SLIT3: variants seen among roughly 807,000 people sequenced by gnomAD.
SLIT3 encodes slit guidance ligand 3, also known as slit homolog 3 protein.
SLIT3 carries 68 observed loss-of-function variants against 184.0 expected under a neutral mutation model. That is an observed-to-expected ratio of 0.37 (90% CI 0.30 to 0.45). The LOEUF is 0.45. Among genes scored for constraint, SLIT3 ranks in the 20% least tolerant of loss-of-function variants. The pLI is 1.00. For synonymous variants in SLIT3, 831 were observed against 828.6 expected (o/e 1.00, Z -0.05); for missense variants, 1,707 against 2,026.0 (o/e 0.84, Z 3.02).
intron 1 of SLIT3, among the ~76,000 whole-genome samples, chr5:169,255,612 A>C (rs1225780165): frequency 2.6e-5 from 4 of 152,238 alleles, no homozygotes; most frequent in African/African-American, 9.6e-5. Flanking sequence ...GGCAGGGCGC[A>C]GTGGCTCAAG....
chr5:168,774,502 G>GC (rs746301095), intron 12 of SLIT3, 124 bp from the exon 13 acceptor site: 62 of 1,035,216 alleles, frequency 6.0e-5, no homozygotes, highest in Non-Finnish European at 8.5e-5. Flanking sequence ...TTGAGCTCCT[G>GC]CTGCAGAACA....
chr5:168,769,701 G>A (rs1027543096), intron 14 of SLIT3, among the ~76,000 whole-genome samples: 4 of 152,100 alleles, frequency 2.6e-5, no homozygotes, highest in Non-Finnish European at 5.9e-5. Context: ...CATCCTGTTC[G>A]TGCAAACCGC....
chr5:169,116,858 G>A lies in SLIT3; in HGVS notation c.413+76621C>T, dbSNP rs528023529. On this transcript the variant is annotated intron_variant, in intron 4 of 35. Coordinates refer to ENST00000519560, the MANE Select transcript of SLIT3 (RefSeq NM_003062.4). Reference sequence around the variant, plus strand: ...CAATCATGTCCTACTTGTTTATAGGGAATCTAATAAAAAGCAAGGAAGCAA... The same window carrying A: ...CAATCATGTCCTACTTGTTTATAGGAAATCTAATAAAAAGCAAGGAAGCAA... Among the ~76,000 whole-genome samples, 4 of 152,280 alleles carry A rather than the reference G, an allele frequency of 2.6e-5. No homozygotes were observed. In the East Asian group the frequency reaches 7.7e-4, roughly 29 times the overall value.
rs748570235 is a variant in SLIT3 at position 168,671,150 on chromosome 5, G to A, written c.4127+48C>T. 1.5e-5 allele frequency: 24 copies of A among 1,577,816 alleles called. No individual in the cohort carries two copies. In the South Asian group the frequency reaches 2.5e-4, roughly 17 times the overall value. On this transcript the variant is annotated intron_variant, in intron 34 of 35. Transcript: ENST00000519560. Reference sequence around the variant, plus strand: ...TTTCTCAGGTGGGGTAGGGACTGAGGCCATTCTGGGAGCTCGAGCACACAG... The same window carrying A: ...TTTCTCAGGTGGGGTAGGGACTGAGACCATTCTGGGAGCTCGAGCACACAG...
chr5:168,784,428 G>T (rs1293228971), intron 12 of SLIT3, among the ~76,000 whole-genome samples: 1 of 152,170 alleles, frequency 6.6e-6, no homozygotes, highest in African/African-American at 2.4e-5. Context: ...AGAGATGGGG[G>T]AGATGCAGAG....
chr5:168,922,373 C>T (rs545739919), intron 4 of SLIT3, among the ~76,000 whole-genome samples: 7 of 145,900 alleles, frequency 4.8e-5, no homozygotes, highest in South Asian at 4.4e-4. Flanking sequence ...AGGAGAATGG[C>T]GTTAACCCAG....
At chr5:168,851,547 G>T (rs975093249) in intron 5 of SLIT3, among the ~76,000 whole-genome samples, 2 of 152,130 alleles carry the variant, frequency 1.3e-5, no homozygotes, top group Admixed American at 6.5e-5. Context: ...AAGGAAGTTT[G>T]GTTACTGTTT....
chr5:168,885,645 G>A (rs892438500), intron 4 of SLIT3, among the ~76,000 whole-genome samples: 6 of 152,284 alleles, frequency 3.9e-5, no homozygotes, highest in South Asian at 2.1e-4. Flanking sequence ...TCTCTCTGGC[G>A]GCTCTGGAAG....
intron 5 of SLIT3, among the ~76,000 whole-genome samples, chr5:168,853,339 C>A (rs189496510): frequency 6.6e-6 from 1 of 152,086 alleles, no homozygotes; most frequent in African/African-American, 2.4e-5. Context: ...AGAGAAATTG[C>A]AAAATTTAAT....
At chr5:168,778,451 T>C (rs930965669) in intron 12 of SLIT3, among the ~76,000 whole-genome samples, 2 of 152,244 alleles carry the variant, frequency 1.3e-5, no homozygotes, top group African/African-American at 4.8e-5. Flanking sequence ...ATGCTTCAGA[T>C]GGACAAAGGT....
intron 5 of SLIT3, among the ~76,000 whole-genome samples, chr5:168,848,371 T>G (rs1479152349): frequency 6.6e-6 from 1 of 152,166 alleles, no homozygotes. Context: ...CAGGGAGCCC[T>G]TGGGAAGGAG....
intron 5 of SLIT3, among the ~76,000 whole-genome samples, chr5:168,865,444 A>C (rs1278833043): frequency 1.3e-5 from 2 of 152,228 alleles, no homozygotes; most frequent in African/African-American, 2.4e-5. Flanking sequence ...ACACAGGGTG[A>C]ATTTCAAAAT....
chr5:169,213,594 T>G (rs1764342682), intron 3 of SLIT3, among the ~76,000 whole-genome samples: 1 of 152,226 alleles, frequency 6.6e-6, no homozygotes, highest in Non-Finnish European at 1.5e-5. Context: ...AGATCTTCCT[T>G]GACCATCCCA....
At position 168,758,593 on chromosome 5, in the gene SLIT3, T is replaced by C. The variant is rs1277634581; in HGVS notation, c.1685+2269A>G. Among the ~76,000 whole-genome samples the C allele has an allele frequency of 2.6e-5, 4 of 152,214 alleles. 1 individual carries two copies. Among genetic ancestry groups the C allele is most frequent in the South Asian group, 4.1e-4 (2 of 4,836 alleles). ...GTGACAGCCATGATCCTCACCCAAG[T>C]GTGCCCTTCTCTCAGCTGGCCCCCC... On this transcript the variant is annotated intron_variant, in intron 16 of 35. Transcript: ENST00000519560.
At chr5:168,889,003 A>G (rs1760333048) in intron 4 of SLIT3, among the ~76,000 whole-genome samples, 1 of 152,198 alleles carries the variant, frequency 6.6e-6, no homozygotes, top group Non-Finnish European at 1.5e-5. Flanking sequence ...CATCTTACAT[A>G]AAGCTGCACT....
chr5:168,798,223 C>CTTTTTTTTTTTTTTTTTTTTTTTTTT (rs747746239), intron 9 of SLIT3, among the ~76,000 whole-genome samples: 13 of 109,024 alleles, frequency 1.2e-4, no homozygotes, highest in African/African-American at 5.5e-4. Context: ...TCTTCTTCTT[C>CTTTTTTTTTTTTTTTTTTTTTTTTTT]TTTTTTTTTT....
intron 1 of SLIT3, among the ~76,000 whole-genome samples, chr5:169,270,661 T>C (rs951706241): frequency 2.0e-5 from 3 of 151,972 alleles, no homozygotes; most frequent in Admixed American, 1.3e-4. Flanking sequence ...GGCGCTTATA[T>C]AGTCTAGGAG....
chr5:168,917,291 C>T (rs1291156134), intron 4 of SLIT3, among the ~76,000 whole-genome samples: 1 of 152,128 alleles, frequency 6.6e-6, no homozygotes, highest in Non-Finnish European at 1.5e-5. Flanking sequence ...TCTTACTATA[C>T]CTTGAGACTT....
At chr5:169,178,368 A>G (rs1763045731) in intron 4 of SLIT3, among the ~76,000 whole-genome samples, 1 of 152,192 alleles carries the variant, frequency 6.6e-6, no homozygotes, top group African/African-American at 2.4e-5. Context: ...CAATTGTAAA[A>G]TGAGGGCATT....
Sources: gnomAD v4.1 joint callset for allele counts (sites outside exome capture counted in the v4.1 genomes callset) on GRCh38, gnomAD v4.1.1 for gene constraint, MANE v1.5 for transcripts, NCBI Gene and HGNC (gene_info 2026-07-23, HGNC 2026-07-21) for gene names.